TNS3: variants seen among roughly 807,000 people sequenced by gnomAD.
TNS3 encodes tensin-3.
TNS3 carries 45 observed loss-of-function variants against 140.9 expected under a neutral mutation model. That is an observed-to-expected ratio of 0.32 (90% CI 0.25 to 0.41). The LOEUF is 0.41. Ranked by LOEUF, TNS3 falls within the 10% of genes least tolerant of loss-of-function variation. The probability of loss-of-function intolerance (pLI) is 1.00; values close to 1 mark genes in which losing one functional copy is unlikely to be tolerated. For synonymous variants in TNS3, 815 were observed against 788.4 expected, an observed-to-expected ratio of 1.03 and a Z score of -0.56; for missense variants, 1,716 against 1,906.7, an observed-to-expected ratio of 0.90 and a Z score of 1.86.
intron 8 of TNS3, among the ~76,000 whole-genome samples, chr7:47,428,743 G>A (rs1203129265): frequency 6.6e-6 from 1 of 152,214 alleles, no homozygotes; most frequent in Non-Finnish European, 1.5e-5. Context: ...AGAAGTGAAC[G>A]CCTGCCTGCT....
In TNS3 at chr7:47,292,827, CCT is replaced by C. The variant is rs1433007246; in HGVS notation, c.3849_3850del (p.Asp1284SerfsTer19). 1 of 1,613,966 alleles carries C rather than the reference CCT, an allele frequency of 6.2e-7. No individual in the cohort carries two copies. Among genetic ancestry groups the C allele is most frequent in the African/African-American group, 1.3e-5 (1 of 74,942 alleles). On this transcript the variant is annotated frameshift_variant and splice_region_variant, in exon 26 of 31. Transcript: ENST00000311160. LOFTEE classifies it high-confidence loss of function. ...CCTGACTAGCACTGAGGACCCCTTA[CCT>C]CTCTCTGGGATAAGCAGCTTGCACG...
chr7:47,509,514 T>C (rs1356674077), intron 2 of TNS3, among the ~76,000 whole-genome samples: 2 of 152,100 alleles, frequency 1.3e-5, no homozygotes, highest in African/African-American at 4.8e-5. Flanking sequence ...GGGGAGGAAC[T>C]GTAAGGGTGA....
chr7:47,514,750 G>A (rs642828), intron 2 of TNS3, among the ~76,000 whole-genome samples: 55,788 of 151,618 alleles, frequency 0.37, 11,120 homozygotes, highest in Non-Finnish European at 0.46. Context: ...GAGCATTTAT[G>A]CGTGGTCTGA....
chr7:47,349,836 G>A (rs1338880926), intron 17 of TNS3, among the ~76,000 whole-genome samples: 2 of 152,228 alleles, frequency 1.3e-5, no homozygotes, highest in Non-Finnish European at 2.9e-5. Context: ...AAGAAAAACA[G>A]GAGACCAACG....
At chr7:47,491,099 G>T (rs933634377) in intron 3 of TNS3, among the ~76,000 whole-genome samples, 1 of 152,180 alleles carries the variant, frequency 6.6e-6, no homozygotes, top group Non-Finnish European at 1.5e-5. Flanking sequence ...AGCACGAGGC[G>T]GGCAGACATG....
chr7:47,326,814 G>A (rs1278040125), intron 20 of TNS3, among the ~76,000 whole-genome samples: 1 of 152,208 alleles, frequency 6.6e-6, no homozygotes, highest in African/African-American at 2.4e-5. Context: ...TCCATCAGCT[G>A]GAGAGCAATC....
chr7:47,532,489 C>G (rs1045757598), intron 1 of TNS3, among the ~76,000 whole-genome samples: 2 of 150,408 alleles, frequency 1.3e-5, no homozygotes, highest in Non-Finnish European at 3.0e-5. Context: ...CTTCAGAGAC[C>G]TGCAGAGATG....
intron 13 of TNS3, chr7:47,405,604 C>T (rs754938723): frequency 2.7e-5 from 19 of 702,884 alleles, no homozygotes; most frequent in East Asian, 2.4e-4. Context: ...CAAACGAAAA[C>T]ACAACCAAGT....
intron 4 of TNS3, among the ~76,000 whole-genome samples, chr7:47,443,421 G>A (rs1795568125): frequency 6.6e-6 from 1 of 152,090 alleles, no homozygotes; most frequent in Admixed American, 6.5e-5. Flanking sequence ...CAAAGCTGCA[G>A]GAGGCTCCAA....
At chr7:47,376,151 A>G (rs1180448347) in intron 16 of TNS3, among the ~76,000 whole-genome samples, 1 of 152,220 alleles carries the variant, frequency 6.6e-6, no homozygotes, top group Non-Finnish European at 1.5e-5. Flanking sequence ...AGCAATACTC[A>G]GCCCAGTCCT....
chr7:47,538,504 A>T (rs536402588), intron 1 of TNS3, among the ~76,000 whole-genome samples: 4 of 152,090 alleles, frequency 2.6e-5, no homozygotes, highest in African/African-American at 9.7e-5. Flanking sequence ...CTCCACTTGC[A>T]ACTCCACATG....
chr7:47,409,265 GC>G lies in TNS3; in HGVS notation c.723+2461del, dbSNP rs148634118. ...GGAGCCAGGCACTTCCCAGGAGACT[GC>G]CCCCGCCCGCCTGGTCTCAGGAAGA... is the stretch of plus-strand genomic sequence containing the variant. On this transcript the variant is annotated intron_variant, in intron 13 of 30. Coordinates refer to ENST00000311160, the MANE Select transcript of TNS3 (RefSeq NM_022748.12). Among the ~76,000 whole-genome samples the G allele has an allele frequency of 6.0e-3, 917 of 151,986 alleles. 5 individuals are homozygous for G. Among genetic ancestry groups the G allele is most frequent in the African/African-American group, 0.021 (852 of 41,420 alleles).
chr7:47,391,187 G>T (rs1792495417), intron 16 of TNS3, among the ~76,000 whole-genome samples: 1 of 152,172 alleles, frequency 6.6e-6, no homozygotes, highest in Non-Finnish European at 1.5e-5. Context: ...ACCTGCAAGG[G>T]CTGTCCTCTT....
At chr7:47,404,986 G>A (rs1391076562) in intron 13 of TNS3, among the ~76,000 whole-genome samples, 1 of 152,210 alleles carries the variant, frequency 6.6e-6, no homozygotes, top group Non-Finnish European at 1.5e-5. Flanking sequence ...GACCTCATTT[G>A]CTCCTGGAGT....
chr7:47,510,273 A>G (rs1273898116), intron 2 of TNS3, among the ~76,000 whole-genome samples: 1 of 152,148 alleles, frequency 6.6e-6, no homozygotes, highest in Non-Finnish European at 1.5e-5. Context: ...GAGGCTGCAA[A>G]ACAGAAGAAG....
rs1462353769 is a variant in TNS3 at position 47,368,548 on chromosome 7, C to G, written c.2098G>C (p.Glu700Gln). 1.3e-6 allele frequency: 2 copies of G among 1,578,242 alleles called. No homozygotes were observed. Among genetic ancestry groups the G allele is most frequent in the African/African-American group, 2.7e-5 (2 of 74,218 alleles). Residue 700 changes from glutamate to glutamine, a missense_variant, in exon 17 of 31, where the codon GAG becomes CAG. Glu to Gln is a conservative substitution (Grantham distance 29). Coordinates refer to ENST00000311160, the MANE Select transcript of TNS3 (RefSeq NM_022748.12). ...TCCAGGATCAGCCTGTTGAGCTGCT[C>G]GATGGACTGGTCGATGTCCAGGGTG... The part of the protein sequence containing the change: ...SPTLDIDQSI[E>Q]QLNRLILELD...
intron 28 of TNS3, among the ~76,000 whole-genome samples, chr7:47,281,251 C>A (rs183075906): frequency 6.6e-5 from 10 of 152,322 alleles, no homozygotes; most frequent in Admixed American, 3.9e-4. Flanking sequence ...CACCTGACAG[C>A]CCTTAGTCAC....
intron 2 of TNS3, among the ~76,000 whole-genome samples, chr7:47,525,573 T>C (rs1799162254): frequency 2.6e-5 from 4 of 152,252 alleles, no homozygotes; most frequent in Admixed American, 6.5e-5. Context: ...GATAAGATAA[T>C]GGACGTCATA....
chr7:47,390,492 C>T (rs1473825235), intron 16 of TNS3, among the ~76,000 whole-genome samples: 2 of 152,192 alleles, frequency 1.3e-5, no homozygotes, highest in African/African-American at 4.8e-5. Context: ...ATGTGAATCT[C>T]CTCTGTCTGC....
Sources: allele counts gnomAD v4.1 joint callset (sites outside exome capture counted in the v4.1 genomes callset), GRCh38; gene constraint gnomAD v4.1.1; transcripts MANE v1.5; gene names NCBI Gene and HGNC (gene_info 2026-07-23, HGNC 2026-07-21).